Variants in WDR70 observed in about 807,000 individuals in gnomAD.
The protein encoded by WDR70 is WD repeat domain 70.
Under a neutral mutation model 88.6 loss-of-function variants are expected in WDR70, and 53 were observed. That is an observed-to-expected ratio of 0.60 (90% CI 0.48 to 0.75). The LOEUF (loss-of-function observed/expected upper bound fraction) is 0.75. Ranked by LOEUF, WDR70 falls within the 30% of genes least tolerant of loss-of-function variation. The pLI is 0.00. For missense variants in WDR70, 610 were observed against 823.2 expected, an observed-to-expected ratio of 0.74 and a Z score of 3.17; for synonymous variants, 280 against 270.0, an observed-to-expected ratio of 1.04 and a Z score of -0.36.
At chr5:37,633,712 G>A (rs567331878) in intron 10 of WDR70, among the ~76,000 whole-genome samples, 1 of 152,228 alleles carries the variant, frequency 6.6e-6, no homozygotes, top group East Asian at 1.9e-4. Context: ...ATCGTAGTTT[G>A]AAGTTAACAG....
At chr5:37,740,609 A>G (rs1275440914) in intron 17 of WDR70, among the ~76,000 whole-genome samples, 1 of 152,198 alleles carries the variant, frequency 6.6e-6, no homozygotes, top group Non-Finnish European at 1.5e-5. Context: ...TCTGTGGGCC[A>G]TACTTTGCTT....
chr5:37,696,251 C>T (rs1298673851), intron 10 of WDR70, among the ~76,000 whole-genome samples: 2 of 152,150 alleles, frequency 1.3e-5, no homozygotes, highest in South Asian at 4.1e-4. Flanking sequence ...AGCATGATAA[C>T]TAATATAAAA....
chr5:37,658,059 G>A (rs1745606136), intron 10 of WDR70, among the ~76,000 whole-genome samples: 1 of 152,120 alleles, frequency 6.6e-6, no homozygotes, highest in Admixed American at 6.5e-5. Flanking sequence ...AGTAAAGTAA[G>A]CTAAATGTTA....
intron 10 of WDR70, among the ~76,000 whole-genome samples, chr5:37,663,559 T>C (rs1435254538): frequency 1.3e-5 from 2 of 152,204 alleles, no homozygotes; most frequent in Non-Finnish European, 2.9e-5. Context: ...AGTTAATTCT[T>C]GTCATTCATC....
At chr5:37,416,915 A>G (rs547087999) in intron 5 of WDR70, among the ~76,000 whole-genome samples, 1 of 152,262 alleles carries the variant, frequency 6.6e-6, no homozygotes, top group Admixed American at 6.5e-5. Context: ...TACTCCACTT[A>G]CACATTTCTA....
At chr5:37,673,582 T>TTCCCC (rs1222254300) in intron 10 of WDR70, among the ~76,000 whole-genome samples, 4 of 48,582 alleles carry the variant, frequency 8.2e-5, no homozygotes, top group African/African-American at 1.7e-4. Flanking sequence ...TGACTTTTCT[T>TTCCCC]ACCCCCCCCC....
intron 10 of WDR70, among the ~76,000 whole-genome samples, chr5:37,655,950 A>C (rs763164873): frequency 1.3e-5 from 2 of 151,960 alleles, no homozygotes; most frequent in South Asian, 4.1e-4. Flanking sequence ...CAACTTGTCA[A>C]ACTTATTCTC....
intron 10 of WDR70, among the ~76,000 whole-genome samples, chr5:37,626,819 T>C (rs6863547): frequency 0.11 from 16,302 of 152,142 alleles, 2,827 homozygotes; most frequent in African/African-American, 0.36. Context: ...CTATTTGTGT[T>C]TTCTTTTCCT....
At chr5:37,697,469 T>C (rs1451677523) in intron 10 of WDR70, among the ~76,000 whole-genome samples, 186 bp from the exon 11 acceptor site, 1 of 152,212 alleles carries the variant, frequency 6.6e-6, no homozygotes, top group Non-Finnish European at 1.5e-5. Flanking sequence ...TTAAAGCAAA[T>C]GGATATTTTT....
chr5:37,529,055 C>G (rs1561889746), intron 9 of WDR70, among the ~76,000 whole-genome samples: 2 of 152,078 alleles, frequency 1.3e-5, no homozygotes, highest in Middle Eastern at 3.4e-3. Context: ...GCCAATTATC[C>G]AAGCACCATT....
intron 10 of WDR70, among the ~76,000 whole-genome samples, chr5:37,667,485 G>C (rs1278893979): frequency 6.6e-6 from 1 of 152,130 alleles, no homozygotes; most frequent in Non-Finnish European, 1.5e-5. Flanking sequence ...TGAATCACAG[G>C]AGGCCTTTAA....
chr5:37,489,997 C>G (rs1452818419), intron 8 of WDR70, among the ~76,000 whole-genome samples: 1 of 152,002 alleles, frequency 6.6e-6, no homozygotes, highest in African/African-American at 2.4e-5. Flanking sequence ...CCTGATGGTC[C>G]AAATGGGTAT....
chr5:37,689,288 T>G (rs1746708262), intron 10 of WDR70, among the ~76,000 whole-genome samples: 1 of 152,302 alleles, frequency 6.6e-6, no homozygotes, highest in South Asian at 2.1e-4. Flanking sequence ...GCAGACAACT[T>G]CTGCAGACTT....
chr5:37,554,916 T>A (rs1002324842), intron 9 of WDR70, among the ~76,000 whole-genome samples: 29 of 152,182 alleles, frequency 1.9e-4, no homozygotes, highest in African/African-American at 7.0e-4. Flanking sequence ...AGGTTAAATA[T>A]ATGGTTTAAA....
At chr5:37,561,054 A>G (rs1031277473) in intron 9 of WDR70, among the ~76,000 whole-genome samples, 1 of 152,006 alleles carries the variant, frequency 6.6e-6, no homozygotes, top group Non-Finnish European at 1.5e-5. Flanking sequence ...GTTCATGTAT[A>G]TGTCATTATT....
chr5:37,676,437 A>G (rs1284179505), intron 10 of WDR70, among the ~76,000 whole-genome samples: 11 of 152,148 alleles, frequency 7.2e-5, no homozygotes, highest in Non-Finnish European at 1.0e-4. Flanking sequence ...GAGAGTTTTT[A>G]GCATGAAGGG....
intron 9 of WDR70, among the ~76,000 whole-genome samples, chr5:37,563,025 C>T (rs1235903916): frequency 5.7e-5 from 7 of 122,370 alleles, no homozygotes; most frequent in Middle Eastern, 4.2e-3. Flanking sequence ...TAGGGGCGGC[C>T]GGGCAGAGGC....
At chr5:37,532,102 T>C (rs1455798227) in intron 9 of WDR70, among the ~76,000 whole-genome samples, 2 of 152,244 alleles carry the variant, frequency 1.3e-5, no homozygotes, top group Non-Finnish European at 1.5e-5. Flanking sequence ...CTCTCCTAGC[T>C]TGAGGGATTT....
chr5:37,412,111 A>T (rs2111959297), intron 5 of WDR70, among the ~76,000 whole-genome samples: 1 of 152,180 alleles, frequency 6.6e-6, no homozygotes, highest in East Asian at 1.9e-4. Context: ...TTTTGGCTGG[A>T]TGCTATGGCA....
Sources: gnomAD v4.1 joint callset for allele counts (sites outside exome capture counted in the v4.1 genomes callset) on GRCh38, gnomAD v4.1.1 for gene constraint, MANE v1.5 for transcripts, NCBI Gene and HGNC (gene_info 2026-07-23, HGNC 2026-07-21) for gene names.